SEMA6A: variants seen among roughly 807,000 people sequenced by gnomAD.
SEMA6A encodes the protein semaphorin 6A.
In SEMA6A, 25 loss-of-function variants were observed where a neutral mutation model predicts 96.8. That is an observed-to-expected ratio of 0.26 (90% confidence interval 0.19 to 0.36). The LOEUF (loss-of-function observed/expected upper bound fraction) is 0.36, where lower values mean the gene tolerates loss of function less well. Ranked by LOEUF, SEMA6A falls within the 10% of genes least tolerant of loss-of-function variation. SEMA6A has a pLI of 1.00. For missense variants in SEMA6A, 1,363 were observed against 1,323.1 expected (o/e 1.03, Z -0.47); for synonymous variants, 612 against 518.0 (o/e 1.18, Z -2.46).
At chr5:116,552,621 C>T (rs1760461797) in intron 1 of SEMA6A, among the ~76,000 whole-genome samples, 1 of 152,148 alleles carries the variant, frequency 6.6e-6, no homozygotes, top group Non-Finnish European at 1.5e-5. Flanking sequence ...GGTGAGACAG[C>T]CACCGTCTTG....
rs897373976 is a variant in SEMA6A, at chr5:116,443,727, T to A, written c.*2886A>T. 6.5e-6 allele frequency: 1 copy of A among 152,700 alleles called. No homozygotes were observed. The highest frequency in any genetic ancestry group is 2.1e-4 in the South Asian group (1 of 4,820). 9.5% of individuals were successfully genotyped at this position (152,700 alleles called of 1,614,324 possible). On this transcript the variant is annotated 3_prime_UTR_variant, in exon 19 of 19. Transcript: ENST00000343348. Reference sequence around the variant, plus strand: ...GGAAAATTGGTGACATCACAATATTTTTACAACTTTACAACAAATATAAAT... The same window carrying A: ...GGAAAATTGGTGACATCACAATATTATTACAACTTTACAACAAATATAAAT...
At chr5:116,478,834 A>G in intron 12 of SEMA6A, 116 bp from the exon 13 acceptor site, 2 of 949,774 alleles carry the variant, frequency 2.1e-6, no homozygotes, top group Non-Finnish European at 3.1e-6. Flanking sequence ...AGAAAAATAT[A>G]TGCATATAAA....
chr5:116,554,498 T>G (rs1056896920), intron 1 of SEMA6A, among the ~76,000 whole-genome samples: 2 of 152,162 alleles, frequency 1.3e-5, no homozygotes, highest in Non-Finnish European at 2.9e-5. Context: ...TAAAATAAAA[T>G]ACACACATTT....
intron 1 of SEMA6A, among the ~76,000 whole-genome samples, chr5:116,569,409 G>C (rs975755451): frequency 6.6e-6 from 1 of 152,170 alleles, no homozygotes; most frequent in Admixed American, 6.5e-5. Flanking sequence ...GTTGGAACCT[G>C]AGTGCAGATC....
intron 3 of SEMA6A, among the ~76,000 whole-genome samples, chr5:116,498,158 G>C (rs544351214): frequency 2.3e-4 from 35 of 152,186 alleles, no homozygotes; most frequent in African/African-American, 7.5e-4. Context: ...TCTGGAATTT[G>C]TAAGAAAGAA....
At chr5:116,541,152 G>A (rs1759945429) in intron 1 of SEMA6A, among the ~76,000 whole-genome samples, 2 of 152,012 alleles carry the variant, frequency 1.3e-5, no homozygotes, top group Admixed American at 1.3e-4. Flanking sequence ...TGGGGTGGAG[G>A]GTAAACACAA....
At chr5:116,497,265 A>AACGG in intron 4 of SEMA6A, 62 bp downstream of exon 4, 1 of 995,398 alleles carries the variant, frequency 1.0e-6, no homozygotes, top group Non-Finnish European at 1.5e-6. Flanking sequence ...TAAAATACAT[A>AACGG]TTCTGTTCAA....
intron 1 of SEMA6A, among the ~76,000 whole-genome samples, chr5:116,552,110 C>A (rs886356611): frequency 1.3e-5 from 2 of 152,190 alleles, no homozygotes; most frequent in African/African-American, 4.8e-5. Context: ...CACTGATTAA[C>A]CTGGAGAGCA....
intron 1 of SEMA6A, among the ~76,000 whole-genome samples, chr5:116,512,844 G>C (rs144486180): frequency 9.2e-5 from 14 of 152,196 alleles, no homozygotes; most frequent in African/African-American, 3.4e-4. Flanking sequence ...AGGCCTGAAA[G>C]TATTGTGGCA....
Position 116,475,587 on chromosome 5 carries a change from C to T in SEMA6A, c.1666G>A (p.Asp556Asn). 1 of 1,603,064 alleles carries T rather than the reference C, an allele frequency of 6.2e-7. No individual in the cohort carries two copies. The highest frequency in any genetic ancestry group is 8.5e-7 in the Non-Finnish European group (1 of 1,174,560). Reference protein sequence around the residue: ...SPNSRLTFEQDIERGNTDGLG... With the variant: ...SPNSRLTFEQNIERGNTDGLG... ...CCATCTGTATTGCCACGCTCTATGT[C>T]CTGCTCAAAAGTCAGTCTTTTAAAA... The change falls in exon 16 of 19, where the codon GAC becomes AAC. Residue 556 changes from aspartate (D) to asparagine (N), a missense_variant. Asp to Asn is a conservative substitution (Grantham distance 23, BLOSUM62 1). Transcript: ENST00000343348.
At chr5:116,526,904 C>T (rs1159597264) in intron 1 of SEMA6A, among the ~76,000 whole-genome samples, 2 of 152,146 alleles carry the variant, frequency 1.3e-5, no homozygotes, top group African/African-American at 4.8e-5. Flanking sequence ...TATGAAATCC[C>T]TGACCTAGTT....
At chr5:116,476,121 G>A (rs1210833090) in intron 15 of SEMA6A, among the ~76,000 whole-genome samples, 2 of 152,068 alleles carry the variant, frequency 1.3e-5, no homozygotes, top group African/African-American at 2.4e-5. Context: ...GCATTTTGTG[G>A]AGACTGCTTG....
At chr5:116,562,628 G>C in intron 1 of SEMA6A, 2 of 689,378 alleles carry the variant, frequency 2.9e-6, no homozygotes, top group South Asian at 2.8e-5. Context: ...GGTGGCTGAC[G>C]GAGAAAACAT....
intron 16 of SEMA6A, among the ~76,000 whole-genome samples, chr5:116,474,630 A>G (rs1756360514): frequency 6.6e-6 from 1 of 152,186 alleles, no homozygotes; most frequent in South Asian, 2.1e-4. Context: ...GTTGAATGAC[A>G]CTTTAGAGTC....
At position 116,506,681 on chromosome 5, in the gene SEMA6A, C is replaced by T. The variant is rs145721341; in HGVS notation, c.-38-1699G>A. Reference sequence around the variant, plus strand: ...AGATTTTAGGAGAGAAAGCATCTGGCGGGAGGGGGAGGGGGAGGGGTCAGG... The same window carrying T: ...AGATTTTAGGAGAGAAAGCATCTGGTGGGAGGGGGAGGGGGAGGGGTCAGG... On this transcript the variant is annotated intron_variant, in intron 1 of 18. Transcript: ENST00000343348. Among the ~76,000 whole-genome samples, 147 of 94,140 alleles carry T rather than the reference C, an allele frequency of 1.6e-3. 1 individual carries two copies. Among genetic ancestry groups the T allele is most frequent in the African/African-American group, 6.2e-3 (138 of 22,174 alleles). The allele number at this position is 94,140 out of a possible 152,430, so 61.8% of individuals were successfully genotyped here.
intron 17 of SEMA6A, among the ~76,000 whole-genome samples, chr5:116,470,822 G>C (rs943296533): frequency 1.3e-5 from 2 of 152,160 alleles, no homozygotes; most frequent in African/African-American, 4.8e-5. Context: ...GATACAGCTA[G>C]AAACAGTGTG....
chr5:116,510,882 G>GA (rs1202742071), intron 1 of SEMA6A, among the ~76,000 whole-genome samples: 1 of 152,152 alleles, frequency 6.6e-6, no homozygotes, highest in Non-Finnish European at 1.5e-5. Context: ...GGAAAATAAA[G>GA]AAAGGACTGG....
chr5:116,486,988 G>C, intron 9 of SEMA6A, 22 bp from the exon 10 acceptor site: 1 of 1,571,412 alleles, frequency 6.4e-7, no homozygotes, highest in Non-Finnish European at 8.7e-7. Context: ...AAACACATAG[G>C]GAAAATTAAA....
chr5:116,509,017 G>C (rs1758275533), intron 1 of SEMA6A, among the ~76,000 whole-genome samples: 1 of 152,210 alleles, frequency 6.6e-6, no homozygotes, highest in Non-Finnish European at 1.5e-5. Context: ...AACACTGCTT[G>C]TTTTAGAGAC....
Sources: gnomAD v4.1 joint callset for allele counts (sites outside exome capture counted in the v4.1 genomes callset) on GRCh38, gnomAD v4.1.1 for gene constraint, MANE v1.5 for transcripts, NCBI Gene and HGNC (gene_info 2026-07-23, HGNC 2026-07-21) for gene names.